The following ZNF473 variants were observed in gnomAD, a reference collection of about 807,000 sequenced individuals.
The protein encoded by ZNF473 is zinc finger protein 473.
A neutral mutation model predicts 11.1 loss-of-function variants in ZNF473; 4 were observed. The ratio of observed to expected loss-of-function variants is 0.36; its 90% CI spans 0.18 to 0.82. ZNF473 has a LOEUF of 0.82. ZNF473 is among the 40% of genes least tolerant of loss of function. ZNF473 has a pLI of 0.49. For synonymous variants in ZNF473, 404 were observed against 390.4 expected, an observed-to-expected ratio of 1.03 and a Z score of -0.41; for missense variants, 854 against 1,084.0, an observed-to-expected ratio of 0.79 and a Z score of 2.98.
At chr19:50,031,220 C>G in intron 2 of ZNF473, 129 bp downstream of exon 2, 9 of 1,321,730 alleles carry the variant, frequency 6.8e-6, no homozygotes, top group Non-Finnish European at 1.1e-6. Context: ...GAAAGCTGGC[C>G]TTCCTTTGTT....
intron 1 of ZNF473, among the ~76,000 whole-genome samples, chr19:50,030,122 A>C (rs1328797870): frequency 6.6e-6 from 1 of 152,156 alleles, no homozygotes; most frequent in Non-Finnish European, 1.5e-5. Context: ...AAGTACTGAG[A>C]TTACAGGCGT....
chr19:50,039,439 G>A lies in ZNF473; in HGVS notation c.136+152G>A, dbSNP rs1440911174. ...GTTCTCAGCTGGCCGAGGAGACATT[G>A]GCAATGTGTGGAGACATTTTTGATT... On this transcript the variant is annotated intron_variant, in intron 3 of 4. Transcript: ENST00000270617. This position sits in a 1 kb window ranked among gnomAD's most constrained non-coding sequence, Gnocchi z 4.8. 9.5e-7 allele frequency: 1 copy of A among 1,054,620 alleles called. No homozygotes were observed. Among genetic ancestry groups the A allele is most frequent in the African/African-American group, 1.6e-5 (1 of 62,182 alleles). 65.3% of individuals were successfully genotyped at this position (1,054,620 alleles called of 1,614,324 possible).
chr19:50,046,604 CAGAGAA>C lies in ZNF473; in HGVS notation c.2162_2167del (p.Gln721_Ile723delinsLeu), dbSNP rs1186120566. ...TCAGAGCTCATGCCTTTCTAAGCATCAGAGAATTCACTCAGGTGAGAAGCCCTATGT... is the reference window on the plus strand; with the variant it reads ...TCAGAGCTCATGCCTTTCTAAGCATCTTCACTCAGGTGAGAAGCCCTATGT... On this transcript the variant is annotated inframe_deletion, in exon 5 of 5. Coordinates refer to ENST00000270617, the MANE Select transcript of ZNF473 (RefSeq NM_015428.4). The surrounding 1 kb of genome is among the most constrained non-coding windows in gnomAD (Gnocchi z 5.9). 6.2e-7 allele frequency: 1 copy of C among 1,614,250 alleles called. No individual in the cohort carries two copies. Among genetic ancestry groups the C allele is most frequent in the South Asian group, 1.1e-5 (1 of 91,084 alleles).
chr19:50,039,380 G>T lies in ZNF473; in HGVS notation c.136+93G>T. On this transcript the variant is annotated intron_variant, in intron 3 of 4. Coordinates refer to ENST00000270617, the MANE Select transcript of ZNF473 (RefSeq NM_015428.4). The surrounding 1 kb of genome is among the most constrained non-coding windows in gnomAD (Gnocchi z 4.8). ...CCCACAGGGTGAAGTCCTGGCTCCT[G>T]GGCTCCTCAGAATCAGCATGACCTA... is the stretch of plus-strand genomic sequence containing the variant. The T allele has an allele frequency of 6.6e-7, 1 of 1,523,872 alleles. No homozygotes were observed. 94.4% of individuals were successfully genotyped at this position (1,523,872 alleles called of 1,614,324 possible). A position where few individuals can be genotyped will look rare whatever the true frequency, so the allele number is the denominator to read the frequency against.
chr19:50,031,127 C>G, intron 2 of ZNF473, 36 bp downstream of exon 2: 1 of 1,560,444 alleles, frequency 6.4e-7, no homozygotes, highest in South Asian at 1.2e-5. Flanking sequence ...ATCGGTCACA[C>G]CCAAAGGCAG....
chr19:50,045,790 T>C lies in ZNF473; in HGVS notation c.1347T>C (p.His449=). The change falls in exon 5 of 5, where the codon CAT becomes CAC. Residue 449 remains histidine, a synonymous_variant. Transcript: ENST00000270617. The stretch of plus-strand genomic sequence containing the variant: ...ACCGGCACACTCACCTTAATGAACA[T>C]CGGCGAATTCATACAGGCTACAGAC... ...AFHRHTHLNE[H]RRIHTGYRPH... 4.3e-6 allele frequency: 7 copies of C among 1,613,930 alleles called. No homozygotes were observed. Among genetic ancestry groups the C allele is most frequent in the Non-Finnish European group, 5.9e-6 (7 of 1,179,972 alleles).
chr19:50,035,452 C>CGTGTGT (rs3222106), intron 2 of ZNF473, among the ~76,000 whole-genome samples: 35,203 of 138,280 alleles, frequency 0.25, 4,805 homozygotes, highest in Non-Finnish European at 0.31. Flanking sequence ...TTCTTTCATA[C>CGTGTGT]GTGTGTGTGT....
At chr19:50,036,627 G>A (rs573750655) in intron 2 of ZNF473, among the ~76,000 whole-genome samples, 1 of 152,030 alleles carries the variant, frequency 6.6e-6, no homozygotes, top group Admixed American at 6.6e-5. Context: ...CCCGGCCAAG[G>A]TGGGGCCTTT....
At chr19:50,034,347 C>T (rs2122814035) in intron 2 of ZNF473, among the ~76,000 whole-genome samples, 1 of 152,364 alleles carries the variant, frequency 6.6e-6, no homozygotes, top group East Asian at 1.9e-4. Context: ...TTCTCACCTT[C>T]TGTCTTTTCC....
At position 50,031,474 on chromosome 19, in the gene ZNF473, C is replaced by T. The variant is rs563873990; in HGVS notation, c.9+383C>T. Among the ~76,000 whole-genome samples the T allele has an allele frequency of 2.3e-3, 349 of 152,292 alleles. 1 individual carries two copies. Among genetic ancestry groups the T allele is most frequent in the African/African-American group, 8.2e-3 (339 of 41,564 alleles). On this transcript the variant is annotated intron_variant, in intron 2 of 4. Coordinates refer to ENST00000270617, the MANE Select transcript of ZNF473 (RefSeq NM_015428.4). ...TTGATTCTGTACTTTCCAGCAGCTT[C>T]CTTTGCTCAGGTTGGGCCCTCTGCT...
At chr19:50,042,809 G>C (rs1347414040) in intron 4 of ZNF473, 3 of 152,214 alleles carry the variant, frequency 2.0e-5, no homozygotes, top group African/African-American at 7.2e-5. Flanking sequence ...TTACATGTCT[G>C]TTGGTGCATT....
intron 1 of ZNF473, among the ~76,000 whole-genome samples, chr19:50,026,547 T>C (rs1389524930): frequency 7.7e-6 from 1 of 129,548 alleles, no homozygotes; most frequent in Non-Finnish European, 1.6e-5. Flanking sequence ...CGAGACTACA[T>C]CTTAAAAAAA....
rs1302246236 is a variant in ZNF473 at position 50,045,409 on chromosome 19, T to C, written c.966T>C (p.Cys322=). The C allele has an allele frequency of 6.2e-7, 1 of 1,614,156 alleles. No homozygotes were observed. The highest frequency in any genetic ancestry group is 1.3e-5 in the African/African-American group (1 of 75,020). The change falls in exon 5 of 5, where the codon TGT becomes TGC. Residue 322 remains cysteine, a synonymous_variant. Coordinates refer to ENST00000270617, the MANE Select transcript of ZNF473 (RefSeq NM_015428.4). ...ACACAGATAGTAAGTCCTACAACTG[T>C]AACGAATGCGGCAAGGCTTTTACCC... ...KTHTDSKSYN[C]NECGKAFTRI...
At chr19:50,037,247 G>C (rs943247254) in intron 2 of ZNF473, among the ~76,000 whole-genome samples, 1 of 152,124 alleles carries the variant, frequency 6.6e-6, no homozygotes, top group Non-Finnish European at 1.5e-5. Context: ...GATGGGACTC[G>C]TTGGTCCCAT....
intron 2 of ZNF473, among the ~76,000 whole-genome samples, chr19:50,032,314 G>C (rs1485239847): frequency 2.0e-5 from 3 of 151,530 alleles, no homozygotes; most frequent in Non-Finnish European, 4.4e-5. Flanking sequence ...TCTGTTATAA[G>C]TACCAGAAAT....
Position 50,046,998 on chromosome 19 carries a change from G to C in ZNF473, c.2555G>C (p.Arg852Pro), listed in dbSNP as rs777399085. The part of the protein sequence containing the change: ...YQCQRCQKAF[R>P]CHSSLSRHQR... ...TGTCAACGTTGCCAGAAAGCCTTTCGGTGCCACTCGAGCCTCAGCCGCCAT... is the reference window on the plus strand; with the variant it reads ...TGTCAACGTTGCCAGAAAGCCTTTCCGTGCCACTCGAGCCTCAGCCGCCAT... Residue 852 changes from arginine to proline, a missense_variant, in exon 5 of 5, where the codon CGG (arginine) becomes CCG (proline). By Grantham distance (103) the Arg-to-Pro change is moderately radical (BLOSUM62 -2). This residue lies in a region of ZNF473 where 186 missense variants were observed against 293.8 expected (regional missense o/e 0.63). Transcript: ENST00000270617. This position sits in a 1 kb window ranked among gnomAD's most constrained non-coding sequence, Gnocchi z 5.9. 8 of 1,613,920 alleles carry C rather than the reference G, an allele frequency of 5.0e-6. No homozygotes were observed. The highest frequency in any genetic ancestry group is 1.3e-5 in the African/African-American group (1 of 75,008).
intron 2 of ZNF473, among the ~76,000 whole-genome samples, chr19:50,032,845 C>G (rs940726645): frequency 6.6e-6 from 1 of 152,178 alleles, no homozygotes; most frequent in Non-Finnish European, 1.5e-5. Flanking sequence ...GAGGCATCAC[C>G]TCAATCTCTG....
At chr19:50,033,530 A>G (rs2077328547) in intron 2 of ZNF473, among the ~76,000 whole-genome samples, 1 of 152,182 alleles carries the variant, frequency 6.6e-6, no homozygotes, top group Non-Finnish European at 1.5e-5. Flanking sequence ...TCGTCCACCC[A>G]ATTCCTGCTT....
intron 1 of ZNF473, among the ~76,000 whole-genome samples, chr19:50,026,334 C>T (rs1369979365): frequency 6.6e-6 from 1 of 150,416 alleles, no homozygotes; most frequent in African/African-American, 2.5e-5. Context: ...TTTGGGAAGC[C>T]TTGGCGGGGG....
Sources: allele counts gnomAD v4.1 joint callset (sites outside exome capture counted in the v4.1 genomes callset), GRCh38; gene constraint gnomAD v4.1.1; regional missense constraint gnomAD v4.1.1; non-coding constraint Gnocchi (gnomAD v3.1); transcripts MANE v1.5; gene names NCBI Gene and HGNC (gene_info 2026-07-23, HGNC 2026-07-21).